SRGAP3: variants seen among roughly 807,000 people sequenced by gnomAD.
SRGAP3 encodes SLIT-ROBO Rho GTPase-activating protein 3.
SRGAP3 carries 39 observed loss-of-function variants against 121.1 expected under a neutral mutation model. The observed-to-expected ratio is 0.32, with a 90% CI of 0.25 to 0.42. SRGAP3 has a LOEUF of 0.42. Ranked by LOEUF, SRGAP3 falls within the 10% of genes least tolerant of loss-of-function variation. SRGAP3 has a pLI of 1.00. For missense variants in SRGAP3, 1,213 were observed against 1,470.6 expected, an observed-to-expected ratio of 0.82 and a Z score of 2.86; for synonymous variants, 601 against 570.0, an observed-to-expected ratio of 1.05 and a Z score of -0.77.
intron 3 of SRGAP3, among the ~76,000 whole-genome samples, chr3:9,081,814 T>C (rs1253230762): frequency 6.6e-6 from 1 of 152,224 alleles, no homozygotes; most frequent in Admixed American, 6.5e-5. Context: ...ATGATTGTGA[T>C]TATGATTTTG....
intron 18 of SRGAP3, among the ~76,000 whole-genome samples, chr3:8,994,981 A>T (rs901273186): frequency 2.6e-5 from 4 of 152,252 alleles, no homozygotes; most frequent in Middle Eastern, 3.4e-3. Context: ...GCAAAATCCG[A>T]TACAGGATTT....
chr3:9,215,637 T>C (rs1162434), intron 1 of SRGAP3, among the ~76,000 whole-genome samples: 27,991 of 152,068 alleles, frequency 0.18, 2,686 homozygotes, highest in East Asian at 0.35. Context: ...CTCATGTGGG[T>C]TGGCACCAGC....
At chr3:9,038,144 G>A (rs896498020) in intron 10 of SRGAP3, 54 bp from the exon 11 acceptor site, 1 of 1,608,862 alleles carries the variant, frequency 6.2e-7, no homozygotes, top group Non-Finnish European at 8.5e-7. Flanking sequence ...TTAATCCAAA[G>A]AACATTCATC....
intron 3 of SRGAP3, among the ~76,000 whole-genome samples, chr3:9,323,902 TA>T (rs1478480845): frequency 6.6e-6 from 1 of 151,652 alleles, no homozygotes; most frequent in African/African-American, 2.4e-5. Context: ...GAATTAAATT[TA>T]AAAGAGTTTG....
intron 3 of SRGAP3, among the ~76,000 whole-genome samples, chr3:9,092,975 C>G (rs1462655204): frequency 1.3e-5 from 2 of 152,176 alleles, no homozygotes; most frequent in Non-Finnish European, 2.9e-5. Flanking sequence ...CTCTCTCTCT[C>G]TCTCTCTAAG....
chr3:9,140,524 C>T (rs916605946), intron 1 of SRGAP3, among the ~76,000 whole-genome samples: 5 of 152,172 alleles, frequency 3.3e-5, no homozygotes, highest in African/African-American at 1.2e-4. Flanking sequence ...CCACTGAACA[C>T]CTATGTGCTA....
At chr3:9,120,495 G>T (rs970735430) in intron 2 of SRGAP3, among the ~76,000 whole-genome samples, 1 of 152,202 alleles carries the variant, frequency 6.6e-6, no homozygotes, top group African/African-American at 2.4e-5. Context: ...AGGAAAATAT[G>T]AGGTCTTCAA....
At chr3:9,122,706 C>G (rs1949057448) in intron 2 of SRGAP3, among the ~76,000 whole-genome samples, 1 of 130,468 alleles carries the variant, frequency 7.7e-6, no homozygotes, top group African/African-American at 3.0e-5. Flanking sequence ...AAGACTCCGT[C>G]TCAAAAAAAA....
At chr3:9,312,017 T>C (rs764890463) in intron 3 of SRGAP3, among the ~76,000 whole-genome samples, 1 of 152,220 alleles carries the variant, frequency 6.6e-6, no homozygotes, top group African/African-American at 2.4e-5. Context: ...GTTGAGCAAA[T>C]GTTATAATTT....
intron 3 of SRGAP3, among the ~76,000 whole-genome samples, chr3:9,086,192 G>A (rs1947463794): frequency 6.6e-6 from 1 of 151,996 alleles, no homozygotes; most frequent in Admixed American, 6.6e-5. Flanking sequence ...CTGCATTTCT[G>A]CAATGCAACA....
chr3:9,002,156 T>C (rs1288104929), intron 18 of SRGAP3, among the ~76,000 whole-genome samples: 1 of 152,206 alleles, frequency 6.6e-6, no homozygotes, highest in East Asian at 1.9e-4. Context: ...TGCCCTATGC[T>C]AGTCCATAAA....
intron 1 of SRGAP3, among the ~76,000 whole-genome samples, chr3:9,134,956 G>C (rs892829106): frequency 3.3e-5 from 5 of 152,320 alleles, no homozygotes; most frequent in African/African-American, 1.2e-4. Context: ...AAATGGGGAT[G>C]ATAATAATCT....
chr3:9,320,406 A>G (rs1955420059), intron 3 of SRGAP3, among the ~76,000 whole-genome samples: 1 of 151,842 alleles, frequency 6.6e-6, no homozygotes, highest in South Asian at 2.1e-4. Flanking sequence ...ATGGTTTAAC[A>G]CTATCCCCTT....
Position 9,216,262 on chromosome 3 carries a change from C to A in SRGAP3, c.67+32623G>T, listed in dbSNP as rs1162429. Among the ~76,000 whole-genome samples, 896 of 152,358 alleles carry A rather than the reference C, an allele frequency of 5.9e-3. 3 individuals are homozygous for A. The highest frequency in any genetic ancestry group is 8.6e-3 in the Non-Finnish European group (588 of 68,028). On this transcript the variant is annotated intron_variant, in intron 1 of 21. Transcript: ENST00000383836. ...TCAGGCCCTGCCTCTCACCTGGAGG[C>A]AGGACCATCCCCCACAAGGGGAATA...
intron 3 of SRGAP3, among the ~76,000 whole-genome samples, chr3:9,279,037 G>A (rs1954631929): frequency 1.3e-5 from 2 of 152,078 alleles, no homozygotes. Flanking sequence ...TACTTGGGAG[G>A]CTGAGACACA....
intron 3 of SRGAP3, among the ~76,000 whole-genome samples, chr3:9,321,181 G>A (rs1955433007): frequency 6.6e-6 from 1 of 151,762 alleles, no homozygotes; most frequent in Non-Finnish European, 1.5e-5. Context: ...TCAGCCAACA[G>A]TCAGAATCAG....
At chr3:9,013,877 A>G (rs1164681515) in intron 15 of SRGAP3, 35 bp from the exon 16 acceptor site, 4 of 1,592,932 alleles carry the variant, frequency 2.5e-6, no homozygotes, top group Non-Finnish European at 2.6e-6. Flanking sequence ...CGTGCCTTTC[A>G]TCCTCAGAGA....
At chr3:9,335,730 G>C (rs1955682207) in intron 1 of SRGAP3, among the ~76,000 whole-genome samples, 1 of 152,142 alleles carries the variant, frequency 6.6e-6, no homozygotes, top group Non-Finnish European at 1.5e-5. Flanking sequence ...CTTCACACTG[G>C]TTCTCAATCC....
intron 3 of SRGAP3, among the ~76,000 whole-genome samples, chr3:9,310,173 T>C (rs1353584371): frequency 6.6e-6 from 1 of 152,184 alleles, no homozygotes; most frequent in African/African-American, 2.4e-5. Context: ...CAGGTTTCCT[T>C]TTCATCACAA....
Sources: gnomAD v4.1 joint callset for allele counts (sites outside exome capture counted in the v4.1 genomes callset) on GRCh38, gnomAD v4.1.1 for gene constraint, MANE v1.5 for transcripts, NCBI Gene and HGNC (gene_info 2026-07-23, HGNC 2026-07-21) for gene names.